The following SNX14 variants were observed in gnomAD, a reference collection of about 807,000 sequenced individuals.
SNX14 encodes the protein sorting nexin 14.
SNX14 carries 93 observed loss-of-function variants against 133.8 expected under a neutral mutation model. That is an observed-to-expected ratio of 0.70 (90% CI 0.59 to 0.83). The LOEUF is 0.83. Ranked by LOEUF, SNX14 falls within the 40% of genes least tolerant of loss-of-function variation. SNX14 has a pLI of 0.00. For synonymous variants in SNX14, 368 were observed against 365.6 expected (o/e 1.01, Z -0.07); for missense variants, 945 against 1,094.9 (o/e 0.86, Z 1.93).
At chr6:85,511,518 G>C (rs1006339668) in intron 26 of SNX14, among the ~76,000 whole-genome samples, 2 of 152,204 alleles carry the variant, frequency 1.3e-5, no homozygotes, top group African/African-American at 4.8e-5. Context: ...TTTTCATCAA[G>C]TGTGATGTTA....
At chr6:85,506,225 G>A (rs891580461) in intron 28 of SNX14, among the ~76,000 whole-genome samples, 1 of 152,078 alleles carries the variant, frequency 6.6e-6, no homozygotes, top group African/African-American at 2.4e-5. Flanking sequence ...CAGAGCTAAA[G>A]GTTTCCTGTT....
chr6:85,581,624 C>G (rs1799091726), intron 1 of SNX14: 1 of 151,966 alleles, frequency 6.6e-6, no homozygotes, highest in South Asian at 2.1e-4. Context: ...AATAAAGAAT[C>G]CTATCAGATA....
intron 4 of SNX14, among the ~76,000 whole-genome samples, chr6:85,568,973 T>C (rs7742691): frequency 0.61 from 92,968 of 151,286 alleles, 28,885 homozygotes; most frequent in Admixed American, 0.69. Context: ...TTTCTTTTTT[T>C]TTTTTTTTTG....
At chr6:85,524,190 AAAAG>A (rs142252854) in intron 21 of SNX14, among the ~76,000 whole-genome samples, 49 of 151,914 alleles carry the variant, frequency 3.2e-4, no homozygotes, top group South Asian at 1.9e-3. Context: ...TCCATCTCAA[AAAAG>A]AAAGAAAGAA....
intron 26 of SNX14, 41 bp downstream of exon 26, chr6:85,513,759 G>A (rs368644355): frequency 6.2e-6 from 9 of 1,451,466 alleles, no homozygotes; most frequent in Admixed American, 1.7e-5. Flanking sequence ...TCAACGGACT[G>A]CTAATCTATA....
intron 1 of SNX14, among the ~76,000 whole-genome samples, chr6:85,580,746 T>C (rs1798798727): frequency 6.6e-6 from 1 of 152,158 alleles, no homozygotes; most frequent in African/African-American, 2.4e-5. Flanking sequence ...TGGTGGTAGT[T>C]GACACGGAGA....
intron 21 of SNX14, among the ~76,000 whole-genome samples, chr6:85,519,042 A>C (rs1280498993): frequency 6.6e-6 from 1 of 152,208 alleles, no homozygotes; most frequent in Non-Finnish European, 1.5e-5. Context: ...TCCAACAAGT[A>C]ACAGCATTCA....
In SNX14 at chr6:85,593,373, G is replaced by A. The variant is rs2842612; in HGVS notation, c.140+206C>T. Among the ~76,000 whole-genome samples, 39,687 of 152,178 alleles carry A rather than the reference G, an allele frequency of 0.26. 6,506 individuals carry two copies. Among genetic ancestry groups the A allele is most frequent in the East Asian group, 0.39 (2,030 of 5,158 alleles). On this transcript the variant is annotated intron_variant, in intron 1 of 28. Transcript: ENST00000314673. Reference sequence around the variant, plus strand: ...GCTCAGGAGACGAAGCCTCGGGAAAGGAGGCAATCAACCCCACCCCACCGG... The same window carrying A: ...GCTCAGGAGACGAAGCCTCGGGAAAAGAGGCAATCAACCCCACCCCACCGG...
intron 1 of SNX14, among the ~76,000 whole-genome samples, chr6:85,575,893 T>C (rs1212791190): frequency 6.6e-6 from 1 of 152,234 alleles, no homozygotes; most frequent in Non-Finnish European, 1.5e-5. Context: ...TCGCTCCATA[T>C]CCCATGTTAT....
At chr6:85,559,437 T>C (rs1373633909) in intron 6 of SNX14, among the ~76,000 whole-genome samples, 1 of 152,322 alleles carries the variant, frequency 6.6e-6, no homozygotes, top group East Asian at 1.9e-4. Context: ...AGAATTAAAA[T>C]GGTAAAATAA....
At chr6:85,520,813 C>T (rs1582569039) in intron 21 of SNX14, among the ~76,000 whole-genome samples, 2 of 152,170 alleles carry the variant, frequency 1.3e-5, no homozygotes, top group East Asian at 3.8e-4. Context: ...CTAGTAGCCT[C>T]ATGATATGGG....
Position 85,549,828 on chromosome 6 carries a change from T to C in SNX14, c.686A>G (p.Glu229Gly), listed in dbSNP as rs1787106950. ...TCGACTTCTCAAAGCAACATGAAGC[T>C]CTGGACCATATTCTTCTAAAGCAGC... ...QQAALEEYGP[E>G]LHVALRSRRD... is the part of the protein sequence containing the mutation. The change falls in exon 8 of 29, where the codon GAG becomes GGG. Residue 229 changes from glutamate (E) to glycine (G), a missense_variant. This residue lies in a region of SNX14 where 514 missense variants were observed against 538.8 expected (regional missense o/e 0.95). Transcript: ENST00000314673. 5 of 1,613,958 alleles carry C rather than the reference T, an allele frequency of 3.1e-6. No homozygotes were observed. Among genetic ancestry groups the C allele is most frequent in the Non-Finnish European group, 4.2e-6 (5 of 1,179,890 alleles).
At chr6:85,558,116 AG>A in intron 6 of SNX14, 56 bp from the exon 7 acceptor site, 1 of 838,910 alleles carries the variant, frequency 1.2e-6, no homozygotes, top group Non-Finnish European at 2.0e-6. Context: ...TTACAATGGC[AG>A]GTACACTACA....
Position 85,548,188 on chromosome 6 carries a change from C to G in SNX14, c.867+113G>C, listed in dbSNP as rs1303435023. On this transcript the variant is annotated intron_variant, in intron 9 of 28. Coordinates refer to ENST00000314673, the MANE Select transcript of SNX14 (RefSeq NM_153816.6). ...GAGATGGGGAATGGGGATGGTTGCA[C>G]AACAATATGAATGTTTTCAGTATCA... 5 of 741,898 alleles carry G rather than the reference C, an allele frequency of 6.7e-6. No individual in the cohort carries two copies. The East Asian group carries it at 1.5e-4, about 22-fold the overall frequency. The allele number at this position is 741,898 out of a possible 1,614,324, so 46.0% of individuals were successfully genotyped here.
At chr6:85,546,319 T>C (rs906487779) in intron 12 of SNX14, among the ~76,000 whole-genome samples, 1 of 152,228 alleles carries the variant, frequency 6.6e-6, no homozygotes, top group Non-Finnish European at 1.5e-5. Context: ...ACTATATAAA[T>C]TATACCTCAT....
chr6:85,506,596 G>A (rs759757261), intron 28 of SNX14, among the ~76,000 whole-genome samples: 3 of 152,146 alleles, frequency 2.0e-5, no homozygotes, highest in Admixed American at 6.5e-5. Flanking sequence ...GATTACAGGC[G>A]TGAGCCACCG....
At chr6:85,561,554 C>G (rs1562338703) in intron 6 of SNX14, among the ~76,000 whole-genome samples, 1 of 152,012 alleles carries the variant, frequency 6.6e-6, no homozygotes, top group African/African-American at 2.4e-5. Flanking sequence ...GTCAATTTCC[C>G]TAGACTGTCT....
In SNX14 at chr6:85,572,051, G is replaced by A. The variant is rs1410855799; in HGVS notation, c.417+86C>T. ...AGTGACATGTATTAAGATGCTCCAT[G>A]ATTAAATTTTTTGATTAAAAATTCT... On this transcript the variant is annotated intron_variant, in intron 4 of 28. Transcript: ENST00000314673. 7 of 1,123,798 alleles carry A rather than the reference G, an allele frequency of 6.2e-6. No individual in the cohort carries two copies. The East Asian group carries it at 7.6e-5, about 12-fold the overall frequency. The allele number at this position is 1,123,798 out of a possible 1,614,324, so 69.6% of individuals were successfully genotyped here.
chr6:85,538,918 G>A, intron 15 of SNX14, 54 bp from the exon 16 acceptor site: 2 of 1,440,772 alleles, frequency 1.4e-6, no homozygotes, highest in Non-Finnish European at 9.4e-7. Context: ...AGAAAGCCCA[G>A]ATATTATATA....
Sources: allele counts gnomAD v4.1 joint callset (sites outside exome capture counted in the v4.1 genomes callset), GRCh38; gene constraint gnomAD v4.1.1; regional missense constraint gnomAD v4.1.1; transcripts MANE v1.5; gene names NCBI Gene and HGNC (gene_info 2026-07-23, HGNC 2026-07-21).